NLGN1: variants seen among roughly 807,000 people sequenced by gnomAD.
NLGN1 encodes neuroligin 1.
NLGN1 carries 12 observed loss-of-function variants against 65.5 expected under a neutral mutation model. That is an observed-to-expected ratio of 0.18 (90% CI 0.12 to 0.30). The LOEUF is 0.30. NLGN1 is among the 10% of genes least tolerant of loss of function. The pLI is 1.00. For synonymous variants in NLGN1, 350 were observed against 359.5 expected, an observed-to-expected ratio of 0.97 and a Z score of 0.30; for missense variants, 750 against 1,007.1, an observed-to-expected ratio of 0.74 and a Z score of 3.46.
At chr3:173,457,243 T>G (rs247969) in intron 2 of NLGN1, among the ~76,000 whole-genome samples, 15,786 of 152,014 alleles carry the variant, frequency 0.1, 906 homozygotes, top group Admixed American at 0.14. Flanking sequence ...GACATTTGAG[T>G]TGAGAAGTCA....
intron 4 of NLGN1, among the ~76,000 whole-genome samples, chr3:174,236,095 C>T (rs1377601960): frequency 2.0e-5 from 3 of 152,036 alleles, no homozygotes; most frequent in South Asian, 2.1e-4. Context: ...ATCAATAAGT[C>T]GTGATCAAAT....
At chr3:173,709,620 G>C (rs537762520) in intron 3 of NLGN1, among the ~76,000 whole-genome samples, 1 of 151,754 alleles carries the variant, frequency 6.6e-6, no homozygotes, top group Admixed American at 6.6e-5. Context: ...TGTCCAAAAT[G>C]ATGAAACCCC....
intron 3 of NLGN1, among the ~76,000 whole-genome samples, chr3:173,609,443 T>C (rs1341106030): frequency 6.6e-6 from 1 of 151,996 alleles, no homozygotes; most frequent in Non-Finnish European, 1.5e-5. Flanking sequence ...TATTGAATTC[T>C]TTCAAGAGCC....
chr3:174,196,751 T>C (rs9822133), intron 4 of NLGN1, among the ~76,000 whole-genome samples: 112,698 of 152,116 alleles, frequency 0.74, 41,830 homozygotes, highest in East Asian at 0.83. Flanking sequence ...AAATAATTGC[T>C]AACAATCATG....
intron 4 of NLGN1, among the ~76,000 whole-genome samples, chr3:173,917,867 G>GTGTGTGTGTT (rs1375314398): frequency 6.6e-6 from 1 of 152,022 alleles, no homozygotes; most frequent in Admixed American, 6.6e-5. Flanking sequence ...GTGTGTGTGT[G>GTGTGTGTGTT]TGTTGGCCTT....
intron 2 of NLGN1, among the ~76,000 whole-genome samples, chr3:173,493,572 C>T (rs1729521911): frequency 6.6e-6 from 1 of 151,720 alleles, no homozygotes; most frequent in African/African-American, 2.4e-5. Flanking sequence ...GGGTAAAATT[C>T]CAAGTCCTGT....
chr3:173,453,712 C>T lies in NLGN1; in HGVS notation c.-321+18634C>T, dbSNP rs937701136. 2.0e-5 allele frequency among the ~76,000 whole-genome samples: 3 copies of T among 152,256 alleles called. No individual in the cohort carries two copies. The East Asian group carries it at 5.8e-4, about 29-fold the overall frequency. ...GCAGCAATTCATTTATGTCTTTAGG[C>T]TCTACTTTTAATTCTAGTTCTCTTG... On this transcript the variant is annotated intron_variant, in intron 2 of 6. Coordinates refer to ENST00000457714, the Ensembl canonical transcript of NLGN1.
At chr3:174,276,078 G>A (rs549781061) in intron 5 of NLGN1, among the ~76,000 whole-genome samples, 1 of 151,978 alleles carries the variant, frequency 6.6e-6, no homozygotes, top group East Asian at 1.9e-4. Flanking sequence ...GTCACTGGTA[G>A]AGCTTTTGAT....
At position 173,532,880 on chromosome 3, in the gene NLGN1, C is replaced by G. The variant is rs931169886; in HGVS notation, c.-320-71399C>G. ...GAAAGTTCTGCTCGATATCTCCTTA[C>G]TCCTGAAACCAAGTTGATGGAGCAA... On this transcript the variant is annotated intron_variant, in intron 2 of 6. Coordinates refer to ENST00000457714, the Ensembl canonical transcript of NLGN1. 7.2e-5 allele frequency among the ~76,000 whole-genome samples: 11 copies of G among 152,202 alleles called. No individual in the cohort carries two copies. The East Asian group carries it at 1.3e-3, about 19-fold the overall frequency.
At chr3:173,578,642 A>T (rs1745920388) in intron 2 of NLGN1, among the ~76,000 whole-genome samples, 1 of 152,228 alleles carries the variant, frequency 6.6e-6, no homozygotes. Context: ...ATTTAATAAG[A>T]TGGTTTCCTG....
At chr3:174,181,778 T>TACACATACACACAC (rs1335084071) in intron 4 of NLGN1, among the ~76,000 whole-genome samples, 1 of 142,592 alleles carries the variant, frequency 7.0e-6, no homozygotes, top group Non-Finnish European at 1.5e-5. Flanking sequence ...AAAATAAAAA[T>TACACATACACACAC]ACACACACAC....
At chr3:174,176,829 T>A (rs1347994015) in intron 4 of NLGN1, among the ~76,000 whole-genome samples, 1 of 152,070 alleles carries the variant, frequency 6.6e-6, no homozygotes, top group Non-Finnish European at 1.5e-5. Context: ...TCATAATTTA[T>A]ATTCATTACA....
chr3:173,674,416 G>A (rs898966235), intron 3 of NLGN1, among the ~76,000 whole-genome samples: 1 of 152,026 alleles, frequency 6.6e-6, no homozygotes, highest in Non-Finnish European at 1.5e-5. Flanking sequence ...GGCTTAGGGA[G>A]TTTAAATAGC....
chr3:174,280,873 C>T lies in NLGN1; in HGVS notation c.2042C>T (p.Ala681Val). The T allele has an allele frequency of 1.2e-6, 2 of 1,613,376 alleles. No homozygotes were observed. The highest frequency in any genetic ancestry group is 1.7e-6 in the Non-Finnish European group (2 of 1,179,604). Reference sequence around the variant, plus strand: ...TCAACAGAGCTGAGTGTCACTATTGCAGTTGGAGCATCACTGCTGTTTCTG... The same window carrying T: ...TCAACAGAGCTGAGTGTCACTATTGTAGTTGGAGCATCACTGCTGTTTCTG... Residue 681 changes from alanine (A) to valine (V), a missense_variant, in exon 7 of 7, where the codon GCA becomes GTA. Coordinates refer to ENST00000457714, the Ensembl canonical transcript of NLGN1. The surrounding 1 kb of genome is among the most constrained non-coding windows in gnomAD (Gnocchi z 4.9).
At chr3:174,026,107 A>G (rs1728776392) in intron 4 of NLGN1, among the ~76,000 whole-genome samples, 1 of 152,070 alleles carries the variant, frequency 6.6e-6, no homozygotes, top group Admixed American at 6.6e-5. Context: ...AAATTAATGT[A>G]GATGATTTAT....
At chr3:173,985,199 C>G (rs1020090347) in intron 4 of NLGN1, among the ~76,000 whole-genome samples, 1 of 152,206 alleles carries the variant, frequency 6.6e-6, no homozygotes, top group Non-Finnish European at 1.5e-5. Flanking sequence ...TAACATTTCT[C>G]TGTCTTATTC....
intron 4 of NLGN1, among the ~76,000 whole-genome samples, chr3:173,946,279 T>C (rs913291730): frequency 2.0e-5 from 3 of 152,162 alleles, no homozygotes; most frequent in Non-Finnish European, 4.4e-5. Flanking sequence ...TTTTAATGCA[T>C]TTCTTTGGGC....
intron 3 of NLGN1, among the ~76,000 whole-genome samples, chr3:173,677,338 G>C (rs1763301680): frequency 6.6e-6 from 1 of 151,888 alleles, no homozygotes; most frequent in Non-Finnish European, 1.5e-5. Flanking sequence ...CAGACATCCA[G>C]GCTAGTACAG....
intron 4 of NLGN1, among the ~76,000 whole-genome samples, chr3:173,872,620 A>G (rs1286186893): frequency 6.6e-6 from 1 of 152,166 alleles, no homozygotes; most frequent in Non-Finnish European, 1.5e-5. Flanking sequence ...GAGGCCCCAC[A>G]TCACAGGATT....
Sources: allele counts gnomAD v4.1 joint callset (sites outside exome capture counted in the v4.1 genomes callset), GRCh38; gene constraint gnomAD v4.1.1; non-coding constraint Gnocchi (gnomAD v3.1); transcripts MANE v1.5; gene names NCBI Gene and HGNC (gene_info 2026-07-23, HGNC 2026-07-21).